CDK14: variants seen among roughly 807,000 people sequenced by gnomAD.
CDK14 encodes the protein cyclin dependent kinase 14.
CDK14 carries 34 observed loss-of-function variants against 60.7 expected under a neutral mutation model. The ratio of observed to expected loss-of-function variants is 0.56; its 90% confidence interval spans 0.43 to 0.75. CDK14 has a LOEUF of 0.75. CDK14 is among the 30% of genes least tolerant of loss of function. The probability of loss-of-function intolerance (pLI) is 0.00; values close to 1 mark genes in which losing one functional copy is unlikely to be tolerated. For missense variants in CDK14, 482 were observed against 564.1 expected, an observed-to-expected ratio of 0.85 and a Z score of 1.47; for synonymous variants, 197 against 203.7, an observed-to-expected ratio of 0.97 and a Z score of 0.28.
At chr7:91,025,106 A>G (rs1464874809) in intron 10 of CDK14, among the ~76,000 whole-genome samples, 2 of 152,150 alleles carry the variant, frequency 1.3e-5, no homozygotes, top group Non-Finnish European at 2.9e-5. Context: ...AAGAAGTGGG[A>G]GGGTCTGTGT....
At chr7:90,759,967 CA>C (rs1269364790) in intron 4 of CDK14, among the ~76,000 whole-genome samples, 4 of 152,144 alleles carry the variant, frequency 2.6e-5, no homozygotes, top group Non-Finnish European at 5.9e-5. Flanking sequence ...TGGTTTGTGC[CA>C]GCCATAAATT....
intron 14 of CDK14, among the ~76,000 whole-genome samples, chr7:91,197,057 C>G (rs1040857264): frequency 6.6e-6 from 1 of 152,138 alleles, no homozygotes; most frequent in Non-Finnish European, 1.5e-5. Context: ...TGGTGACCAG[C>G]TTGTTCCATT....
intron 2 of CDK14, among the ~76,000 whole-genome samples, chr7:90,679,716 T>C (rs1187895846): frequency 6.6e-6 from 1 of 152,246 alleles, no homozygotes; most frequent in African/African-American, 2.4e-5. Context: ...TTTTATTGAA[T>C]CAAAAGTAGT....
chr7:90,727,588 C>T (rs1409300633), intron 3 of CDK14, among the ~76,000 whole-genome samples: 1 of 152,062 alleles, frequency 6.6e-6, no homozygotes, highest in Non-Finnish European at 1.5e-5. Flanking sequence ...CACAAGTATG[C>T]TATGAATAAA....
intron 5 of CDK14, among the ~76,000 whole-genome samples, chr7:90,859,144 G>T (rs886092964): frequency 3.3e-5 from 5 of 152,142 alleles, no homozygotes; most frequent in Admixed American, 6.5e-5. Context: ...TTCTTGCCTG[G>T]GAATATACAT....
At chr7:90,687,317 G>A (rs1208617466) in intron 2 of CDK14, among the ~76,000 whole-genome samples, 1 of 152,060 alleles carries the variant, frequency 6.6e-6, no homozygotes, top group Non-Finnish European at 1.5e-5. Context: ...ACCGAGCAGA[G>A]TTAAGGGTCT....
chr7:91,113,689 C>T (rs1329050937), intron 13 of CDK14, among the ~76,000 whole-genome samples: 4 of 152,086 alleles, frequency 2.6e-5, no homozygotes, highest in African/African-American at 4.8e-5. Context: ...ATGATTATTT[C>T]TTCATTATCT....
At chr7:90,768,574 C>T (rs1261831578) in intron 4 of CDK14, among the ~76,000 whole-genome samples, 2 of 152,192 alleles carry the variant, frequency 1.3e-5, no homozygotes, top group African/African-American at 4.8e-5. Context: ...GAGTTGGAGC[C>T]ATTCCATTAT....
intron 8 of CDK14, among the ~76,000 whole-genome samples, chr7:90,944,510 A>T (rs1335842907): frequency 1.3e-5 from 2 of 152,168 alleles, no homozygotes; most frequent in Non-Finnish European, 2.9e-5. Context: ...AGGCGGGAGG[A>T]CCACTTGAGC....
chr7:91,071,125 T>TA (rs1474469886), intron 11 of CDK14, among the ~76,000 whole-genome samples: 55 of 152,238 alleles, frequency 3.6e-4, no homozygotes, highest in South Asian at 8.3e-4. Flanking sequence ...AACAATTTGT[T>TA]AAAAAAATAA....
chr7:90,872,886 G>A (rs1262450880), intron 6 of CDK14, among the ~76,000 whole-genome samples: 1 of 152,080 alleles, frequency 6.6e-6, no homozygotes. Context: ...AATACAGTAT[G>A]CATCTGATTT....
intron 10 of CDK14, among the ~76,000 whole-genome samples, chr7:91,024,569 T>A (rs1325834980): frequency 6.6e-6 from 1 of 152,218 alleles, no homozygotes; most frequent in Non-Finnish European, 1.5e-5. Context: ...GAGAATCACT[T>A]GAACCTGGGA....
intron 10 of CDK14, among the ~76,000 whole-genome samples, chr7:90,993,748 T>C (rs1009680765): frequency 2.0e-5 from 3 of 152,188 alleles, no homozygotes; most frequent in Admixed American, 2.0e-4. Context: ...TGACTAGATT[T>C]TTAATCTATT....
chr7:90,703,015 T>TTG (rs1801821679), intron 2 of CDK14, among the ~76,000 whole-genome samples: 1 of 56,078 alleles, frequency 1.8e-5, no homozygotes, highest in African/African-American at 6.6e-5. Flanking sequence ...GTTGTTGTTG[T>TTG]TTTGTTTTTT....
chr7:90,844,542 G>C (rs556980555), intron 5 of CDK14, among the ~76,000 whole-genome samples: 1 of 152,186 alleles, frequency 6.6e-6, no homozygotes, highest in East Asian at 1.9e-4. Context: ...TATTGTCTCA[G>C]AATTTCTAGA....
At chr7:90,802,428 A>G (rs1405060557) in intron 5 of CDK14, among the ~76,000 whole-genome samples, 1 of 152,216 alleles carries the variant, frequency 6.6e-6, no homozygotes, top group Admixed American at 6.5e-5. Flanking sequence ...AGGAATCTAA[A>G]TCAGACTTTA....
intron 14 of CDK14, among the ~76,000 whole-genome samples, chr7:91,190,333 A>G (rs1274722330): frequency 6.6e-6 from 1 of 152,224 alleles, no homozygotes; most frequent in Non-Finnish European, 1.5e-5. Context: ...GACAGGTCAA[A>G]TGGCTCAGGG....
chr7:91,007,763 A>C (rs1477665568), intron 10 of CDK14, among the ~76,000 whole-genome samples: 2 of 151,962 alleles, frequency 1.3e-5, no homozygotes, highest in Non-Finnish European at 2.9e-5. Context: ...ACATCAATAA[A>C]GATAGTTTGT....
intron 14 of CDK14, among the ~76,000 whole-genome samples, chr7:91,138,723 C>G (rs926026086): frequency 6.6e-6 from 1 of 152,050 alleles, no homozygotes; most frequent in Non-Finnish European, 1.5e-5. Flanking sequence ...AATGTATTGT[C>G]ATGACTATCC....
Sources: allele counts gnomAD v4.1 joint callset (sites outside exome capture counted in the v4.1 genomes callset), GRCh38; gene constraint gnomAD v4.1.1; transcripts MANE v1.5; gene names NCBI Gene and HGNC (gene_info 2026-07-23, HGNC 2026-07-21).